The following FLT3 variants were observed in gnomAD, a reference collection of about 807,000 sequenced individuals.
FLT3 encodes receptor-type tyrosine-protein kinase FLT3.
A neutral mutation model predicts 126.6 loss-of-function variants in FLT3; 46 were observed. The observed-to-expected ratio is 0.36, with a 90% CI of 0.29 to 0.46. The LOEUF (loss-of-function observed/expected upper bound fraction) is 0.46. FLT3 is among the 20% of genes least tolerant of loss of function. The pLI is 1.00. For missense variants in FLT3, 1,069 were observed against 1,190.3 expected (o/e 0.90, Z 1.50); for synonymous variants, 404 against 434.4 (o/e 0.93, Z 0.87).
intron 1 of FLT3, among the ~76,000 whole-genome samples, chr13:28,091,261 G>C (rs58666235): frequency 0.014 from 1,477 of 106,344 alleles, 45 homozygotes; most frequent in African/African-American, 0.052. Flanking sequence ...TCGCTCTGTC[G>C]CCCAGGCTGG....
rs185471805 is a variant in FLT3 at position 28,081,935 on chromosome 13, C to A, written c.44-11323G>T. ...ACAATGGTGCGATCTTGGCTCACTG[C>A]AACCTCCATCTCCCGGGTTCAAGCA... On this transcript the variant is annotated intron_variant, in intron 1 of 23. Transcript: ENST00000241453. 1.8e-3 allele frequency among the ~76,000 whole-genome samples: 253 copies of A among 136,992 alleles called. 2 individuals are homozygous for A. The highest frequency in any genetic ancestry group is 6.4e-3 in the African/African-American group (233 of 36,372). The allele number at this position is 136,992 out of a possible 152,430, so 89.9% of individuals were successfully genotyped here. A position where few individuals can be genotyped will look rare whatever the true frequency, so the allele number is the denominator to read the frequency against.
chr13:28,028,125 T>G, intron 16 of FLT3, 53 bp downstream of exon 16: 1 of 853,416 alleles, frequency 1.2e-6, no homozygotes, highest in African/African-American at 1.7e-5. Context: ...ACATCCTCTT[T>G]GTCATCAAGC....
chr13:28,049,451 G>C lies in FLT3; in HGVS notation c.969C>G (p.Asn323Lys), dbSNP rs373170476. The C allele has an allele frequency of 1.2e-6, 2 of 1,613,758 alleles. No homozygotes were observed. The highest frequency in any genetic ancestry group is 3.3e-5 in the Admixed American group (2 of 59,998). Reference sequence around the variant, plus strand: ...AGGAACAAGTGTAGTATCCGGTGTCGTTTCTTGCCACTGATGATACAAAAG... The same window carrying C: ...AGGAACAAGTGTAGTATCCGGTGTCCTTTCTTGCCACTGATGATACAAAAG... ...LFAFVSSVAR[N>K]DTGYYTCSSS... is the part of the protein sequence containing the mutation. Residue 323 changes from asparagine to lysine, a missense_variant, in exon 8 of 24, where the codon AAC becomes AAG. Coordinates refer to ENST00000241453, the MANE Select transcript of FLT3 (RefSeq NM_004119.3).
chr13:28,028,515 G>C (rs1340277214), intron 15 of FLT3, among the ~76,000 whole-genome samples: 1 of 151,964 alleles, frequency 6.6e-6, no homozygotes, highest in East Asian at 1.9e-4. Flanking sequence ...TGGCCAATAT[G>C]GTGAAACCTC....
Position 28,003,706 on chromosome 13 carries a change from C to A in FLT3, c.*346G>T. ...ATTTTAAAACATAGACTTAAAAAAT[C>A]ATATTAGCTTCTCCTTAGCAAAATG... is the stretch of plus-strand genomic sequence containing the variant. On this transcript the variant is annotated 3_prime_UTR_variant, in exon 24 of 24. Coordinates refer to ENST00000241453, the MANE Select transcript of FLT3 (RefSeq NM_004119.3). 2 of 267,136 alleles carry A rather than the reference C, an allele frequency of 7.5e-6. No individual in the cohort carries two copies. The highest frequency in any genetic ancestry group is 7.2e-6 in the Non-Finnish European group (1 of 138,608). 16.5% of individuals were successfully genotyped at this position (267,136 alleles called of 1,614,324 possible).
intron 1 of FLT3, among the ~76,000 whole-genome samples, chr13:28,073,907 T>C (rs1331365193): frequency 7.2e-6 from 1 of 138,544 alleles, no homozygotes; most frequent in Non-Finnish European, 1.5e-5. Flanking sequence ...GCCTCTGCAC[T>C]CCAGCCTGGG....
chr13:28,043,270 T>C (rs1469442358), intron 9 of FLT3, among the ~76,000 whole-genome samples: 1 of 152,082 alleles, frequency 6.6e-6, no homozygotes, highest in African/African-American at 2.4e-5. Context: ...TAGGAAATTA[T>C]ACAAACTAAT....
rs547998264 is a variant in FLT3, at chr13:28,088,324, G to C, written c.43+12144C>G. Among the ~76,000 whole-genome samples, 3 of 151,136 alleles carry C rather than the reference G, an allele frequency of 2.0e-5. No homozygotes were observed. In the East Asian group the frequency reaches 5.8e-4, roughly 29 times the overall value. On this transcript the variant is annotated intron_variant, in intron 1 of 23. Coordinates refer to ENST00000241453, the MANE Select transcript of FLT3 (RefSeq NM_004119.3). ...TTTTTTTAAGACGGAGTCTCACTCTGTTGCCCAGGCTGGAGTGCAGTGGCA... is the reference window on the plus strand; with the variant it reads ...TTTTTTTAAGACGGAGTCTCACTCTCTTGCCCAGGCTGGAGTGCAGTGGCA...
At chr13:28,019,121 C>T (rs1482439416) in intron 19 of FLT3, among the ~76,000 whole-genome samples, 1 of 152,062 alleles carries the variant, frequency 6.6e-6, no homozygotes, top group African/African-American at 2.4e-5. Flanking sequence ...GCACGCGCCA[C>T]CAGGCCCAGC....
At chr13:28,082,584 C>T (rs181224862) in intron 1 of FLT3, among the ~76,000 whole-genome samples, 17 of 152,272 alleles carry the variant, frequency 1.1e-4, no homozygotes, top group Admixed American at 1.1e-3. Context: ...CAACCTCCAC[C>T]TCCCATGCTC....
chr13:28,090,084 A>G lies in FLT3; in HGVS notation c.43+10384T>C, dbSNP rs181412850. Among the ~76,000 whole-genome samples, 1,149 of 151,692 alleles carry G rather than the reference A, an allele frequency of 7.6e-3. 25 individuals are homozygous for G. Among genetic ancestry groups the G allele is most frequent in the African/African-American group, 0.026 (1,089 of 41,226 alleles). The stretch of plus-strand genomic sequence containing the variant: ...TAGATGGAGTCTGTCTCTGTCACCC[A>G]GGGTGAAGTGTGGCGGCACAATCTC... On this transcript the variant is annotated intron_variant, in intron 1 of 23. Transcript: ENST00000241453.
At chr13:28,033,139 G>C (rs1342204951) in intron 15 of FLT3, among the ~76,000 whole-genome samples, 1 of 146,242 alleles carries the variant, frequency 6.8e-6, no homozygotes, top group African/African-American at 2.5e-5. Context: ...AATATGGTGA[G>C]ACACCGTATC....
chr13:28,089,695 T>C (rs1490068904), intron 1 of FLT3, among the ~76,000 whole-genome samples: 4 of 151,732 alleles, frequency 2.6e-5, no homozygotes, highest in African/African-American at 9.7e-5. Flanking sequence ...TGTGAGGGGC[T>C]TGGGGTAGGG....
At chr13:28,008,275 CAAAAA>C (rs11409962) in intron 23 of FLT3, among the ~76,000 whole-genome samples, 3 of 87,112 alleles carry the variant, frequency 3.4e-5, no homozygotes, top group African/African-American at 4.7e-5. Flanking sequence ...GAACCTGTCT[CAAAAA>C]AAAAAAAAAA....
chr13:28,012,330 C>T (rs1871462964), intron 23 of FLT3, among the ~76,000 whole-genome samples: 2 of 152,126 alleles, frequency 1.3e-5, no homozygotes, highest in African/African-American at 4.8e-5. Context: ...TCTGGACATC[C>T]TGTGAGTATG....
At chr13:28,054,055 C>T (rs1210136035) in intron 4 of FLT3, among the ~76,000 whole-genome samples, 1 of 152,154 alleles carries the variant, frequency 6.6e-6, no homozygotes, top group African/African-American at 2.4e-5. Flanking sequence ...GAACATTCTA[C>T]ACATTTGTAC....
intron 1 of FLT3, among the ~76,000 whole-genome samples, chr13:28,081,547 A>G (rs1878308465): frequency 6.6e-6 from 1 of 152,172 alleles, no homozygotes; most frequent in Non-Finnish European, 1.5e-5. Flanking sequence ...GTTGTCTGTA[A>G]ATAAAGAGTT....
chr13:28,096,862 T>C (rs996895619), intron 1 of FLT3, among the ~76,000 whole-genome samples: 6 of 152,118 alleles, frequency 3.9e-5, no homozygotes, highest in Non-Finnish European at 7.4e-5. Context: ...AAAAATAAAA[T>C]TGGTTATTTA....
Position 28,062,050 on chromosome 13 carries a change from T to C in FLT3, c.185A>G (p.Asp62Gly), listed in dbSNP as rs1029573584. Residue 62 changes from aspartate (D) to glycine (G), a missense_variant, in exon 3 of 24, where the codon GAC becomes GGC. Asp to Gly is a moderately conservative substitution (Grantham distance 94). Transcript: ENST00000241453. The stretch of plus-strand genomic sequence containing the variant: ...CTGGGGTCTCAACGCACACCCGAGG[T>C]CTTCCGGGGATTCTGATACCTACGT... ...SYPMVSESPE[D>G]LGCALRPQSS... 9.3e-6 allele frequency: 15 copies of C among 1,612,068 alleles called. No individual in the cohort carries two copies. In the Admixed American group the frequency reaches 1.8e-4, roughly 20 times the overall value.
Sources: gnomAD v4.1 joint callset for allele counts (sites outside exome capture counted in the v4.1 genomes callset) on GRCh38, gnomAD v4.1.1 for gene constraint, MANE v1.5 for transcripts, NCBI Gene and HGNC (gene_info 2026-07-23, HGNC 2026-07-21) for gene names.